CPEB3: variants seen among roughly 807,000 people sequenced by gnomAD.
CPEB3 encodes the protein cytoplasmic polyadenylation element binding protein 3.
A neutral mutation model predicts 67.2 loss-of-function variants in CPEB3; 20 were observed. The observed-to-expected ratio is 0.30, with a 90% CI of 0.21 to 0.43. The LOEUF (loss-of-function observed/expected upper bound fraction) is 0.43. Ranked by LOEUF, CPEB3 falls within the 20% of genes least tolerant of loss-of-function variation. The pLI, the probability that CPEB3 is intolerant of heterozygous loss-of-function variation, is 1.00. For missense variants in CPEB3, 746 were observed against 968.6 expected (o/e 0.77, Z 3.05); for synonymous variants, 376 against 393.1 (o/e 0.96, Z 0.51).
At chr10:92,192,404 A>G in intron 3 of CPEB3, 73 bp downstream of exon 3, 3 of 1,416,110 alleles carry the variant, frequency 2.1e-6, no homozygotes, top group Admixed American at 2.1e-5. Context: ...CAAACCAGAA[A>G]AATCAAAATT....
intron 3 of CPEB3, among the ~76,000 whole-genome samples, chr10:92,185,889 A>G (rs544942845): frequency 3.3e-4 from 50 of 152,340 alleles, no homozygotes; most frequent in African/African-American, 1.1e-3. Flanking sequence ...TAAGGAAATG[A>G]TAAAACTTTG....
chr10:92,085,674 T>C (rs186773971), intron 8 of CPEB3, among the ~76,000 whole-genome samples: 3 of 152,200 alleles, frequency 2.0e-5, no homozygotes, highest in Admixed American at 2.0e-4. Context: ...AGTGACACGA[T>C]CTCGGCTCAC....
chr10:92,256,190 C>T (rs192269536), intron 1 of CPEB3, among the ~76,000 whole-genome samples: 121 of 152,120 alleles, frequency 8.0e-4, no homozygotes, highest in African/African-American at 1.3e-3. Flanking sequence ...GACATCCTAT[C>T]GTCTCCATTC....
chr10:92,216,360 G>T, intron 2 of CPEB3: 5 of 1,609,952 alleles, frequency 3.1e-6, no homozygotes, highest in Non-Finnish European at 4.2e-6. Context: ...GATCCCGAAG[G>T]GCCCGAGGCT....
chr10:92,166,630 T>C (rs1393054580), intron 4 of CPEB3, among the ~76,000 whole-genome samples: 1 of 152,224 alleles, frequency 6.6e-6, no homozygotes, highest in African/African-American at 2.4e-5. Context: ...TAAACCATGC[T>C]GTTAAACAGA....
intron 3 of CPEB3, among the ~76,000 whole-genome samples, chr10:92,181,443 T>C (rs751206494): frequency 2.0e-5 from 3 of 148,828 alleles, no homozygotes; most frequent in African/African-American, 7.4e-5. Context: ...AAAAGAGAGG[T>C]TTCATAGTGG....
Position 92,049,279 on chromosome 10 carries a change from C to T in CPEB3, c.*2933G>A, listed in dbSNP as rs949670109. ...AGTATTGCACATAACAACAAATAGT[C>T]GAGGTTAGGTTATAGCCTTCAAAAA... On this transcript the variant is annotated 3_prime_UTR_variant, in exon 10 of 10. Coordinates refer to ENST00000265997, the MANE Select transcript of CPEB3 (RefSeq NM_014912.5). 1 of 151,182 alleles carries T rather than the reference C, an allele frequency of 6.6e-6. No homozygotes were observed. The highest frequency in any genetic ancestry group is 1.5e-5 in the Non-Finnish European group (1 of 67,844). 9.4% of individuals were successfully genotyped at this position (151,182 alleles called of 1,614,324 possible).
rs540293806 is a variant in CPEB3 at position 92,125,792 on chromosome 10, G to C, written c.1454-14598C>G. 5.0e-4 allele frequency among the ~76,000 whole-genome samples: 76 copies of C among 151,426 alleles called. 1 individual carries two copies. The highest frequency in any genetic ancestry group is 8.0e-4 in the Non-Finnish European group (54 of 67,908). On this transcript the variant is annotated intron_variant, in intron 6 of 9. Transcript: ENST00000265997. ...CTGGAGTGTAGTGTGGCACAATCTC[G>C]GCTTACTGCAGCCTTTACCTCCCCA...
intron 4 of CPEB3, among the ~76,000 whole-genome samples, chr10:92,154,167 T>C (rs943886366): frequency 6.6e-6 from 1 of 152,238 alleles, no homozygotes; most frequent in African/African-American, 2.4e-5. Context: ...CCTGGTAGAC[T>C]AGTTTCTAAC....
chr10:92,144,708 C>CTA (rs908200094), intron 5 of CPEB3, among the ~76,000 whole-genome samples: 1 of 152,186 alleles, frequency 6.6e-6, no homozygotes. Context: ...GTTTCCTTAT[C>CTA]TATAAAATGG....
intron 1 of CPEB3, among the ~76,000 whole-genome samples, chr10:92,288,578 T>C (rs1231032159): frequency 6.6e-6 from 1 of 152,202 alleles, no homozygotes; most frequent in African/African-American, 2.4e-5. Flanking sequence ...CACATGCTAA[T>C]CACTCTTTAG....
At chr10:92,109,779 T>G (rs1844645630) in intron 7 of CPEB3, among the ~76,000 whole-genome samples, 1 of 152,206 alleles carries the variant, frequency 6.6e-6, no homozygotes, top group Non-Finnish European at 1.5e-5. Flanking sequence ...CTGCTTTAAG[T>G]GCTGCACTCT....
intron 4 of CPEB3, among the ~76,000 whole-genome samples, chr10:92,163,930 T>C (rs1847617092): frequency 6.6e-6 from 1 of 152,234 alleles, no homozygotes; most frequent in Non-Finnish European, 1.5e-5. Flanking sequence ...CATTTGGATG[T>C]CTTAAAACTC....
At chr10:92,233,828 C>T (rs183410967) in intron 2 of CPEB3, among the ~76,000 whole-genome samples, 2 of 151,976 alleles carry the variant, frequency 1.3e-5, no homozygotes, top group East Asian at 3.9e-4. Context: ...GAGAGGGATA[C>T]GCAGGGTGCG....
chr10:92,145,239 G>T (rs1846623490), intron 4 of CPEB3, 154 bp from the exon 5 acceptor site: 1 of 726,840 alleles, frequency 1.4e-6, no homozygotes, highest in East Asian at 2.7e-5. Flanking sequence ...GCTTTTCCAA[G>T]ATTAACAGGA....
At chr10:92,060,250 T>C (rs1478128990) in intron 9 of CPEB3, among the ~76,000 whole-genome samples, 2 of 151,888 alleles carry the variant, frequency 1.3e-5, no homozygotes, top group African/African-American at 4.8e-5. Flanking sequence ...CCCCAGCTAC[T>C]TGGGAGACTG....
chr10:92,209,797 C>A (rs539770497), intron 2 of CPEB3, among the ~76,000 whole-genome samples: 1 of 151,762 alleles, frequency 6.6e-6, no homozygotes, highest in African/African-American at 2.4e-5. Context: ...ATTAGCTGGG[C>A]GTGGTAGCAG....
chr10:92,152,145 T>C (rs940152809), intron 4 of CPEB3, among the ~76,000 whole-genome samples: 1 of 152,204 alleles, frequency 6.6e-6, no homozygotes, highest in Non-Finnish European at 1.5e-5. Flanking sequence ...TACTCCTCCA[T>C]CACCTACCAA....
At chr10:92,201,496 C>G (rs1849522971) in intron 2 of CPEB3, among the ~76,000 whole-genome samples, 1 of 152,084 alleles carries the variant, frequency 6.6e-6, no homozygotes. Context: ...CCACCGCACT[C>G]CAGTCTGGGC....
Sources: gnomAD v4.1 joint callset for allele counts (sites outside exome capture counted in the v4.1 genomes callset) on GRCh38, gnomAD v4.1.1 for gene constraint, MANE v1.5 for transcripts, NCBI Gene and HGNC (gene_info 2026-07-23, HGNC 2026-07-21) for gene names.